The following MECOM variants were observed in gnomAD, a reference collection of about 807,000 sequenced individuals.
MECOM encodes the protein histone-lysine N-methyltransferase MECOM.
Under a neutral mutation model 116.3 loss-of-function variants are expected in MECOM, and 13 were observed. The observed-to-expected ratio is 0.11, with a 90% confidence interval of 0.07 to 0.18. MECOM has a LOEUF of 0.18. Among genes scored for constraint, MECOM ranks in the 10% least tolerant of loss-of-function variants. The pLI is 1.00. For missense variants in MECOM, 1,299 were observed against 1,509.0 expected (o/e 0.86, Z 2.31); for synonymous variants, 528 against 535.2 (o/e 0.99, Z 0.19).
At chr3:169,487,382 G>T (rs996120974) in intron 1 of MECOM, among the ~76,000 whole-genome samples, 1 of 151,818 alleles carries the variant, frequency 6.6e-6, no homozygotes, top group African/African-American at 2.4e-5. Flanking sequence ...TAAACTGGGG[G>T]CAGGGGAGGG....
chr3:169,163,310 C>T (rs560984318), intron 2 of MECOM, among the ~76,000 whole-genome samples: 1 of 152,206 alleles, frequency 6.6e-6, no homozygotes, highest in South Asian at 2.1e-4. Context: ...ACAAATCAGA[C>T]ATAATCCTTG....
intron 1 of MECOM, among the ~76,000 whole-genome samples, chr3:169,400,184 T>G (rs999033491): frequency 6.6e-6 from 1 of 152,204 alleles, no homozygotes; most frequent in Non-Finnish European, 1.5e-5. Context: ...TTGAAATAAG[T>G]GTATAGCTCC....
At chr3:169,626,032 A>C (rs560356224) in intron 1 of MECOM, among the ~76,000 whole-genome samples, 2 of 152,318 alleles carry the variant, frequency 1.3e-5, no homozygotes, top group South Asian at 2.1e-4. Flanking sequence ...ATTTCCAAAA[A>C]CTCATTTTAT....
At position 169,089,199 on chromosome 3, in the gene MECOM, G is replaced by A. The variant is rs1981745; in HGVS notation, c.3402-16C>T. ...CTCTTTATACCTAAAATGAACCAACGAAAAACACAGAAATTTTCTTTTCAT... is the reference window on the plus strand; with the variant it reads ...CTCTTTATACCTAAAATGAACCAACAAAAAACACAGAAATTTTCTTTTCAT... On this transcript the variant is annotated splice_polypyrimidine_tract_variant and intron_variant, in intron 15 of 16. Transcript: ENST00000651503. 274,039 of 1,448,958 alleles carry A rather than the reference G, an allele frequency of 0.19. 28,035 individuals carry two copies. The highest frequency in any genetic ancestry group is 0.2 in the Non-Finnish European group (224,802 of 1,097,500). 89.8% of individuals were successfully genotyped at this position (1,448,958 alleles called of 1,614,324 possible).
At chr3:169,651,037 T>G (rs1057374248) in intron 1 of MECOM, among the ~76,000 whole-genome samples, 1 of 152,240 alleles carries the variant, frequency 6.6e-6, no homozygotes, top group Non-Finnish European at 1.5e-5. Context: ...GGACTTCCAG[T>G]ACTGTGTTGA....
intron 1 of MECOM, among the ~76,000 whole-genome samples, chr3:169,623,338 G>A (rs936828724): frequency 6.6e-6 from 1 of 152,080 alleles, no homozygotes; most frequent in Non-Finnish European, 1.5e-5. Flanking sequence ...CTTACTAAAT[G>A]ATAACACTTC....
chr3:169,474,157 C>G (rs1749984936), intron 1 of MECOM, among the ~76,000 whole-genome samples: 1 of 152,166 alleles, frequency 6.6e-6, no homozygotes, highest in South Asian at 2.1e-4. Context: ...TTTAAATAGA[C>G]CTTGTGGAAG....
At chr3:169,569,806 A>C (rs1481143478) in intron 1 of MECOM, among the ~76,000 whole-genome samples, 1 of 152,192 alleles carries the variant, frequency 6.6e-6, no homozygotes, top group East Asian at 1.9e-4. Flanking sequence ...GAGAACAAAG[A>C]CACAACATAC....
chr3:169,510,390 G>A (rs1755831405), intron 1 of MECOM, among the ~76,000 whole-genome samples: 1 of 152,174 alleles, frequency 6.6e-6, no homozygotes, highest in Non-Finnish European at 1.5e-5. Flanking sequence ...GTTTATCAGA[G>A]GAAACACTTG....
At chr3:169,514,309 AAGAG>A (rs979182725) in intron 1 of MECOM, among the ~76,000 whole-genome samples, 2 of 151,648 alleles carry the variant, frequency 1.3e-5, no homozygotes, top group African/African-American at 2.4e-5. Context: ...TCAAAAAAAA[AAGAG>A]AGAGAGAGAC....
At chr3:169,603,968 T>G (rs1768158875) in intron 1 of MECOM, among the ~76,000 whole-genome samples, 1 of 152,240 alleles carries the variant, frequency 6.6e-6, no homozygotes, top group Non-Finnish European at 1.5e-5. Flanking sequence ...TTTTTGGCAC[T>G]CTAAGATCTT....
intron 2 of MECOM, among the ~76,000 whole-genome samples, chr3:169,180,870 T>C (rs1165886311): frequency 6.8e-6 from 1 of 147,018 alleles, no homozygotes; most frequent in Non-Finnish European, 1.5e-5. Context: ...TTTAATTCAA[T>C]AAATATATAT....
At chr3:169,650,737 C>T (rs988310714) in intron 1 of MECOM, among the ~76,000 whole-genome samples, 2 of 152,032 alleles carry the variant, frequency 1.3e-5, no homozygotes, top group African/African-American at 2.4e-5. Flanking sequence ...GGCCAGCACA[C>T]TTCACCCTGA....
chr3:169,581,461 T>C (rs1765119161), intron 1 of MECOM, among the ~76,000 whole-genome samples: 1 of 152,236 alleles, frequency 6.6e-6, no homozygotes, highest in Non-Finnish European at 1.5e-5. Context: ...TTTTTTTCTT[T>C]TTTAATTACT....
chr3:169,407,049 A>G (rs1291417216), intron 1 of MECOM, among the ~76,000 whole-genome samples: 1 of 151,882 alleles, frequency 6.6e-6, no homozygotes, highest in South Asian at 2.1e-4. Flanking sequence ...GGGTTTCACC[A>G]TCTTGGCCAA....
chr3:169,395,538 T>C (rs1327850453), intron 1 of MECOM, among the ~76,000 whole-genome samples: 2 of 152,164 alleles, frequency 1.3e-5, no homozygotes, highest in Non-Finnish European at 2.9e-5. Context: ...AAGATACTGA[T>C]AGATTAACAA....
At chr3:169,538,550 A>G (rs1369176495) in intron 1 of MECOM, among the ~76,000 whole-genome samples, 2 of 152,240 alleles carry the variant, frequency 1.3e-5, no homozygotes, top group Admixed American at 1.3e-4. Context: ...CAAAAAAACT[A>G]TAGTACAACA....
chr3:169,289,478 AC>A (rs890723725), intron 2 of MECOM, among the ~76,000 whole-genome samples: 2 of 152,160 alleles, frequency 1.3e-5, no homozygotes, highest in African/African-American at 4.8e-5. Flanking sequence ...TATTTAAATG[AC>A]CCATTTATAT....
chr3:169,365,242 A>G (rs1728973197), intron 2 of MECOM, among the ~76,000 whole-genome samples: 1 of 152,048 alleles, frequency 6.6e-6, no homozygotes, highest in South Asian at 2.1e-4. Flanking sequence ...ACACATCAGC[A>G]ATAGCTAAAG....
Sources: gnomAD v4.1 joint callset for allele counts (sites outside exome capture counted in the v4.1 genomes callset) on GRCh38, gnomAD v4.1.1 for gene constraint, MANE v1.5 for transcripts, NCBI Gene and HGNC (gene_info 2026-07-23, HGNC 2026-07-21) for gene names.